ZNF385D: variants seen among roughly 807,000 people sequenced by gnomAD.
ZNF385D encodes the protein zinc finger protein 659.
Under a neutral mutation model 35.8 loss-of-function variants are expected in ZNF385D, and 15 were observed. That is an observed-to-expected ratio of 0.42 (90% CI 0.28 to 0.64). The LOEUF is 0.64. ZNF385D is among the 30% of genes least tolerant of loss of function. The probability of loss-of-function intolerance (pLI) is 0.23; values close to 1 mark genes in which losing one functional copy is unlikely to be tolerated. For synonymous variants in ZNF385D, 212 were observed against 186.8 expected (o/e 1.13, Z -1.10); for missense variants, 474 against 494.6 (o/e 0.96, Z 0.39).
intron 3 of ZNF385D, among the ~76,000 whole-genome samples, chr3:21,944,693 C>T (rs1338618609): frequency 6.6e-6 from 1 of 151,898 alleles, no homozygotes; most frequent in African/African-American, 2.4e-5. Flanking sequence ...TTTCTTAACT[C>T]CCAACTTTGA....
intron 2 of ZNF385D, among the ~76,000 whole-genome samples, chr3:21,615,616 A>AT (rs372230905): frequency 3.4e-4 from 51 of 151,302 alleles, no homozygotes; most frequent in African/African-American, 1.2e-3. Context: ...CCCTCTACCC[A>AT]TTTTTTTCAA....
chr3:22,165,953 G>A (rs762186007), intron 3 of ZNF385D, among the ~76,000 whole-genome samples: 13 of 152,074 alleles, frequency 8.5e-5, no homozygotes, highest in Admixed American at 5.2e-4. Flanking sequence ...AAAACAGATG[G>A]AGCCCAGATT....
At chr3:21,724,278 C>A (rs2068660575) in intron 1 of ZNF385D, among the ~76,000 whole-genome samples, 1 of 151,866 alleles carries the variant, frequency 6.6e-6, no homozygotes, top group Admixed American at 6.6e-5. Flanking sequence ...ATCATAATGA[C>A]AGGCTCAAAT....
At chr3:21,620,623 C>T (rs985252036) in intron 2 of ZNF385D, among the ~76,000 whole-genome samples, 6 of 152,132 alleles carry the variant, frequency 3.9e-5, no homozygotes, top group Admixed American at 1.3e-4. Context: ...ATATTTCAAT[C>T]TCAGCCCCCT....
At chr3:21,615,797 T>C (rs2064829467) in intron 2 of ZNF385D, among the ~76,000 whole-genome samples, 1 of 151,152 alleles carries the variant, frequency 6.6e-6, no homozygotes, top group Non-Finnish European at 1.5e-5. Flanking sequence ...AGAAAGAGTG[T>C]GTGTGTGTGT....
intron 3 of ZNF385D, among the ~76,000 whole-genome samples, chr3:22,146,554 A>G (rs553692068): frequency 6.6e-6 from 1 of 152,284 alleles, no homozygotes; most frequent in East Asian, 1.9e-4. Flanking sequence ...ATGGTTGTCC[A>G]TTTTTATCAA....
intron 2 of ZNF385D, among the ~76,000 whole-genome samples, chr3:22,370,324 A>G (rs953400008): frequency 6.6e-6 from 1 of 152,240 alleles, no homozygotes; most frequent in Non-Finnish European, 1.5e-5. Context: ...GACAAGGGCT[A>G]TAATGTAGCA....
At chr3:21,715,110 T>C (rs2068263039) in intron 1 of ZNF385D, among the ~76,000 whole-genome samples, 2 of 152,164 alleles carry the variant, frequency 1.3e-5, no homozygotes, top group African/African-American at 4.8e-5. Flanking sequence ...ACTTCTAAAA[T>C]TTATATACAT....
chr3:22,030,379 G>T (rs114276382), intron 3 of ZNF385D, among the ~76,000 whole-genome samples: 2,195 of 141,260 alleles, frequency 0.016, 71 homozygotes, highest in African/African-American at 0.054. Context: ...GGTTTAAGAG[G>T]CCTCAGGAAA....
rs550964919 is a variant in ZNF385D at position 21,460,236 on chromosome 3, G to A, written c.440-23033C>T. On this transcript the variant is annotated intron_variant, in intron 4 of 7. Coordinates refer to ENST00000281523, the MANE Select transcript of ZNF385D (RefSeq NM_024697.3). ...ATTCAAGTATTGTTTAGTGTCATATGCCCTGGCCTGCATGAATGACTAACG... is the reference window on the plus strand; with the variant it reads ...ATTCAAGTATTGTTTAGTGTCATATACCCTGGCCTGCATGAATGACTAACG... Among the ~76,000 whole-genome samples, 8 of 152,110 alleles carry A rather than the reference G, an allele frequency of 5.3e-5. No individual in the cohort carries two copies. The South Asian group carries it at 1.7e-3, about 32-fold the overall frequency.
intron 3 of ZNF385D, among the ~76,000 whole-genome samples, chr3:22,104,908 G>C (rs952036465): frequency 6.6e-6 from 1 of 152,140 alleles, no homozygotes; most frequent in Non-Finnish European, 1.5e-5. Context: ...TAACTGAAGA[G>C]AATGCTGAAG....
Position 22,030,271 on chromosome 3 carries a change from A to G in ZNF385D, c.325+138546T>C, listed in dbSNP as rs1447043901. Among the ~76,000 whole-genome samples, 3 of 95,544 alleles carry G rather than the reference A, an allele frequency of 3.1e-5. No individual in the cohort carries two copies. The South Asian group carries it at 1.1e-3, about 35-fold the overall frequency. 62.7% of individuals were successfully genotyped at this position (95,544 alleles called of 152,430 possible). ...TAAACTCATTCATATATATATATAT[A>G]TATATATATATATATATATATATAT... is the stretch of plus-strand genomic sequence containing the variant. On this transcript the variant is annotated intron_variant, in intron 3 of 5. Transcript: ENST00000494108.
chr3:21,478,944 T>C (rs574962497), intron 4 of ZNF385D, among the ~76,000 whole-genome samples: 24 of 152,136 alleles, frequency 1.6e-4, no homozygotes, highest in African/African-American at 5.3e-4. Flanking sequence ...TATAAGTCTT[T>C]CAAAATGTAC....
At chr3:22,210,502 T>C (rs565302000) in intron 2 of ZNF385D, among the ~76,000 whole-genome samples, 2 of 151,850 alleles carry the variant, frequency 1.3e-5, no homozygotes, top group Non-Finnish European at 2.9e-5. Flanking sequence ...AAAACGTGTA[T>C]CTGAAAATAC....
chr3:21,651,957 A>T (rs2065928695), intron 2 of ZNF385D, among the ~76,000 whole-genome samples: 2 of 152,184 alleles, frequency 1.3e-5, no homozygotes, highest in East Asian at 1.9e-4. Context: ...CCAAGACTAA[A>T]ATACCATCCC....
chr3:21,729,642 T>C (rs1211196386), intron 1 of ZNF385D, among the ~76,000 whole-genome samples: 1 of 152,112 alleles, frequency 6.6e-6, no homozygotes, highest in African/African-American at 2.4e-5. Context: ...GGCTGTCAAT[T>C]GACTAGGTGG....
In ZNF385D at chr3:21,518,440, T is replaced by C. The variant is rs1176477391; in HGVS notation, c.277-7417A>G. Among the ~76,000 whole-genome samples the C allele has an allele frequency of 3.9e-5, 6 of 152,206 alleles. No homozygotes were observed. The East Asian group carries it at 1.2e-3, about 29-fold the overall frequency. On this transcript the variant is annotated intron_variant, in intron 3 of 7. Transcript: ENST00000281523. ...TATTGTCGCAGGACAATTCCTGATC[T>C]CATTACTTTTATCTCTATATTGAAT... is the stretch of plus-strand genomic sequence containing the variant.
intron 4 of ZNF385D, among the ~76,000 whole-genome samples, chr3:21,481,647 C>A (rs1301717419): frequency 6.6e-6 from 1 of 152,046 alleles, no homozygotes; most frequent in Admixed American, 6.6e-5. Context: ...TCCCACTTTG[C>A]CTCCACAAAG....
At chr3:22,134,217 A>C (rs186694428) in intron 3 of ZNF385D, 1 of 152,232 alleles carries the variant, frequency 6.6e-6, no homozygotes, top group East Asian at 1.9e-4. Context: ...GTTAAAAGGA[A>C]AAGGACAGGA....
Sources: allele counts gnomAD v4.1 joint callset (sites outside exome capture counted in the v4.1 genomes callset), GRCh38; gene constraint gnomAD v4.1.1; transcripts MANE v1.5; gene names NCBI Gene and HGNC (gene_info 2026-07-23, HGNC 2026-07-21).